RBFOX1: variants seen among roughly 807,000 people sequenced by gnomAD.
RBFOX1 encodes the protein RNA binding fox-1 homolog 1.
Under a neutral mutation model 57.7 loss-of-function variants are expected in RBFOX1, and 8 were observed. The observed-to-expected ratio is 0.14, with a 90% CI of 0.08 to 0.25. The LOEUF is 0.25. Among genes scored for constraint, RBFOX1 ranks in the 10% least tolerant of loss-of-function variants. The probability of loss-of-function intolerance (pLI) is 1.00; values close to 1 mark genes in which losing one functional copy is unlikely to be tolerated. For missense variants in RBFOX1, 611 were observed against 548.5 expected (o/e 1.11, Z -1.14); for synonymous variants, 326 against 222.4 (o/e 1.47, Z -4.15).
chr16:6,132,001 A>G (rs147921751), intron 1 of RBFOX1, among the ~76,000 whole-genome samples: 93 of 152,368 alleles, frequency 6.1e-4, no homozygotes, highest in African/African-American at 2.2e-3. Context: ...TTGCTCTTTA[A>G]TTAGCTTTTA....
intron 3 of RBFOX1, among the ~76,000 whole-genome samples, chr16:5,635,963 A>T (rs563123705): frequency 6.6e-6 from 1 of 152,066 alleles, no homozygotes; most frequent in Non-Finnish European, 1.5e-5. Context: ...AATCCCAGCA[A>T]TTTTGGAGTC....
intron 3 of RBFOX1, among the ~76,000 whole-genome samples, chr16:6,983,283 G>A (rs771007679): frequency 7.9e-5 from 12 of 152,192 alleles, no homozygotes; most frequent in Non-Finnish European, 1.0e-4. Context: ...AGAATGATGT[G>A]CAGTTGTCTA....
intron 2 of RBFOX1, among the ~76,000 whole-genome samples, chr16:6,491,460 G>A (rs1030856316): frequency 1.3e-5 from 2 of 152,142 alleles, no homozygotes; most frequent in African/African-American, 4.8e-5. Context: ...ACATATAGAA[G>A]TTACATCAAT....
At chr16:5,436,236 T>A (rs2067914701) in intron 1 of RBFOX1, among the ~76,000 whole-genome samples, 1 of 152,194 alleles carries the variant, frequency 6.6e-6, no homozygotes, top group African/African-American at 2.4e-5. Context: ...GACTCAGACT[T>A]ACCTGTGTTC....
intron 2 of RBFOX1, among the ~76,000 whole-genome samples, chr16:6,410,361 G>C (rs1312507953): frequency 6.7e-6 from 1 of 149,038 alleles, no homozygotes; most frequent in Non-Finnish European, 1.5e-5. Context: ...AGGCTGGAGG[G>C]AGGGCAGTGG....
At chr16:5,881,736 C>T (rs763676166) in intron 4 of RBFOX1, among the ~76,000 whole-genome samples, 2 of 152,038 alleles carry the variant, frequency 1.3e-5, no homozygotes, top group African/African-American at 4.8e-5. Flanking sequence ...AAATTTTCCC[C>T]CCAATGCTAG....
At chr16:7,451,096 G>T (rs901660189) in intron 4 of RBFOX1, among the ~76,000 whole-genome samples, 3 of 152,178 alleles carry the variant, frequency 2.0e-5, no homozygotes, top group Non-Finnish European at 2.9e-5. Context: ...GGTAGGGCAG[G>T]CTGAGGGTTA....
At chr16:7,457,016 T>G (rs1318462883) in intron 4 of RBFOX1, among the ~76,000 whole-genome samples, 1 of 152,000 alleles carries the variant, frequency 6.6e-6, no homozygotes, top group Admixed American at 6.6e-5. Context: ...GCCTCCCAAG[T>G]AGCTGGGATT....
chr16:7,453,913 G>T (rs9922247), intron 4 of RBFOX1, among the ~76,000 whole-genome samples: 1 of 152,184 alleles, frequency 6.6e-6, no homozygotes, highest in South Asian at 2.1e-4. Flanking sequence ...TGGAGGAAGT[G>T]TTGGTCTTCT....
At chr16:7,669,675 G>C (rs147482236) in intron 13 of RBFOX1, among the ~76,000 whole-genome samples, 89 of 152,242 alleles carry the variant, frequency 5.8e-4, no homozygotes, top group African/African-American at 2.0e-3. Flanking sequence ...CTGTCACTCT[G>C]CCACCCATAT....
intron 2 of RBFOX1, among the ~76,000 whole-genome samples, chr16:6,600,678 G>T (rs1425556641): frequency 1.3e-5 from 2 of 152,140 alleles, no homozygotes; most frequent in African/African-American, 4.8e-5. Flanking sequence ...TGGCCTGATA[G>T]AATTACAAGT....
At chr16:5,475,168 A>G (rs957486322) in intron 2 of RBFOX1, among the ~76,000 whole-genome samples, 3 of 152,218 alleles carry the variant, frequency 2.0e-5, no homozygotes, top group Non-Finnish European at 4.4e-5. Flanking sequence ...TTGCCGTAAT[A>G]GATATGTTTG....
chr16:6,856,452 T>A (rs547614532), intron 3 of RBFOX1, among the ~76,000 whole-genome samples: 1 of 152,160 alleles, frequency 6.6e-6, no homozygotes, highest in Non-Finnish European at 1.5e-5. Context: ...CAGGACCACC[T>A]GAGCCACTGA....
At chr16:6,662,181 C>G (rs1467882807) in intron 3 of RBFOX1, among the ~76,000 whole-genome samples, 1 of 151,924 alleles carries the variant, frequency 6.6e-6, no homozygotes, top group Non-Finnish European at 1.5e-5. Flanking sequence ...AAACCCTCAT[C>G]ATCAGATTAA....
chr16:7,553,936 T>C (rs2087435032), intron 5 of RBFOX1, among the ~76,000 whole-genome samples: 1 of 152,226 alleles, frequency 6.6e-6, no homozygotes, highest in Non-Finnish European at 1.5e-5. Context: ...TCAGGCTCTA[T>C]ACATTAGGAT....
chr16:6,945,466 T>A (rs2079317371), intron 3 of RBFOX1, among the ~76,000 whole-genome samples: 2 of 118,432 alleles, frequency 1.7e-5, no homozygotes, highest in South Asian at 5.4e-4. Flanking sequence ...ATATGGATAT[T>A]TTGATTTTTT....
At chr16:6,772,442 G>A (rs1391840321) in intron 3 of RBFOX1, among the ~76,000 whole-genome samples, 2 of 149,962 alleles carry the variant, frequency 1.3e-5, no homozygotes, top group East Asian at 2.0e-4. Flanking sequence ...GTGTGTGTGT[G>A]TATGTATGTG....
intron 4 of RBFOX1, among the ~76,000 whole-genome samples, chr16:7,339,581 G>A (rs544276019): frequency 5.3e-4 from 80 of 152,136 alleles, no homozygotes; most frequent in Middle Eastern, 3.4e-3. Flanking sequence ...CTGGGACCGT[G>A]GGCATGCACC....
intron 2 of RBFOX1, chr16:6,576,906 C>A (rs1237602203): frequency 2.0e-5 from 3 of 152,162 alleles, no homozygotes; most frequent in Non-Finnish European, 4.4e-5. Context: ...TGTTCCTCAT[C>A]CCCAGCAAAG....
Sources: gnomAD v4.1 joint callset for allele counts (sites outside exome capture counted in the v4.1 genomes callset) on GRCh38, gnomAD v4.1.1 for gene constraint, MANE v1.5 for transcripts, NCBI Gene and HGNC (gene_info 2026-07-23, HGNC 2026-07-21) for gene names.